Variants in CSMD1 observed in about 807,000 individuals in gnomAD.
The protein encoded by CSMD1 is CUB and Sushi multiple domains 1, also known as CUB and sushi domain-containing protein 1.
Under a neutral mutation model 417.5 loss-of-function variants are expected in CSMD1, and 213 were observed. The ratio of observed to expected loss-of-function variants is 0.51; its 90% CI spans 0.46 to 0.57. The LOEUF is 0.57. Among genes scored for constraint, CSMD1 ranks in the 20% least tolerant of loss-of-function variants. The probability of loss-of-function intolerance (pLI) is 0.00; values close to 1 mark genes in which losing one functional copy is unlikely to be tolerated. For missense variants in CSMD1, 6,923 were observed against 4,529.7 expected (o/e 1.53, Z -15.17); for synonymous variants, 2,862 against 1,736.8 (o/e 1.65, Z -16.11).
chr8:3,288,908 G>A (rs901235916), intron 25 of CSMD1, among the ~76,000 whole-genome samples: 2 of 146,714 alleles, frequency 1.4e-5, no homozygotes, highest in African/African-American at 2.7e-5. Context: ...CATGTGCCAT[G>A]CTGGTGTGCT....
At chr8:3,261,119 G>A (rs1016487389) in intron 26 of CSMD1, among the ~76,000 whole-genome samples, 11 of 152,268 alleles carry the variant, frequency 7.2e-5, no homozygotes, top group Non-Finnish European at 1.3e-4. Context: ...AGATATCACT[G>A]CATCCTTATA....
At chr8:3,473,489 C>G (rs1585216448) in intron 11 of CSMD1, among the ~76,000 whole-genome samples, 1 of 152,036 alleles carries the variant, frequency 6.6e-6, no homozygotes, top group African/African-American at 2.4e-5. Flanking sequence ...TTTTGTTCCT[C>G]TTTCTGGTTT....
intron 1 of CSMD1, among the ~76,000 whole-genome samples, chr8:4,804,941 C>G (rs146846723): frequency 2.6e-5 from 4 of 152,104 alleles, no homozygotes; most frequent in African/African-American, 9.6e-5. Context: ...GTTTACTTAA[C>G]AAAAAGGGAT....
chr8:4,586,629 A>C (rs1799713840), intron 2 of CSMD1, among the ~76,000 whole-genome samples: 1 of 152,172 alleles, frequency 6.6e-6, no homozygotes, highest in Non-Finnish European at 1.5e-5. Flanking sequence ...CCTCTCAGTA[A>C]TTTATATCAT....
At chr8:4,744,594 G>T (rs547799149) in intron 1 of CSMD1, among the ~76,000 whole-genome samples, 1 of 152,084 alleles carries the variant, frequency 6.6e-6, no homozygotes, top group Non-Finnish European at 1.5e-5. Context: ...TCTTTGGTTC[G>T]TGGTAGCAAA....
At chr8:4,785,893 A>T (rs1317420775) in intron 1 of CSMD1, among the ~76,000 whole-genome samples, 2 of 152,148 alleles carry the variant, frequency 1.3e-5, no homozygotes, top group African/African-American at 4.8e-5. Context: ...ATTTTAACCC[A>T]AACAGTGACA....
intron 9 of CSMD1, among the ~76,000 whole-genome samples, chr8:3,579,453 A>T (rs1014973181): frequency 6.6e-6 from 1 of 152,206 alleles, no homozygotes; most frequent in African/African-American, 2.4e-5. Flanking sequence ...TAATTGATTA[A>T]ATTTAAATTA....
At chr8:3,991,152 A>G (rs1227219827) in intron 5 of CSMD1, among the ~76,000 whole-genome samples, 4 of 152,218 alleles carry the variant, frequency 2.6e-5, no homozygotes, top group East Asian at 1.9e-4. Context: ...CACAGTAGAC[A>G]TTGTGGAGAG....
chr8:3,669,339 C>A (rs1447314634), intron 7 of CSMD1, among the ~76,000 whole-genome samples: 3 of 152,112 alleles, frequency 2.0e-5, no homozygotes, highest in East Asian at 1.9e-4. Context: ...TTCTCAGGCC[C>A]ATGCTTCAGA....
At chr8:4,841,777 G>A (rs1028940374) in intron 1 of CSMD1, among the ~76,000 whole-genome samples, 1 of 151,814 alleles carries the variant, frequency 6.6e-6, no homozygotes, top group African/African-American at 2.4e-5. Flanking sequence ...TGGGCGTGGT[G>A]GCACATGCCT....
intron 10 of CSMD1, among the ~76,000 whole-genome samples, chr8:3,502,961 G>A (rs1444010220): frequency 1.3e-5 from 2 of 152,136 alleles, no homozygotes; most frequent in Admixed American, 6.5e-5. Flanking sequence ...TGGTGAGGAT[G>A]CTTACAGTGG....
intron 7 of CSMD1, among the ~76,000 whole-genome samples, chr8:3,628,816 G>A (rs79893707): frequency 0.026 from 3,971 of 152,202 alleles, 83 homozygotes; most frequent in Middle Eastern, 0.078. Flanking sequence ...TCCGAGCCAA[G>A]AACTCTCATC....
chr8:3,682,157 A>C (rs933268179), intron 7 of CSMD1, among the ~76,000 whole-genome samples: 2 of 152,212 alleles, frequency 1.3e-5, no homozygotes, highest in Admixed American at 6.5e-5. Context: ...TAAAACACCA[A>C]AAGCAATGGC....
intron 5 of CSMD1, among the ~76,000 whole-genome samples, chr8:3,865,323 A>G (rs889981116): frequency 3.1e-4 from 47 of 152,118 alleles, no homozygotes; most frequent in African/African-American, 1.1e-3. Flanking sequence ...CTCAATTTTT[A>G]ATCTGTAAAC....
At chr8:3,519,443 C>T (rs1008471443) in intron 10 of CSMD1, among the ~76,000 whole-genome samples, 1 of 152,150 alleles carries the variant, frequency 6.6e-6, no homozygotes, top group Non-Finnish European at 1.5e-5. Context: ...GATGAAGTTT[C>T]TTGATCATCT....
At chr8:4,722,784 T>C (rs1282803595) in intron 1 of CSMD1, among the ~76,000 whole-genome samples, 3 of 152,200 alleles carry the variant, frequency 2.0e-5, no homozygotes, top group Non-Finnish European at 4.4e-5. Flanking sequence ...ACTACTTGAA[T>C]ATTTCAGGAA....
At chr8:4,907,376 C>G (rs1356947985) in intron 1 of CSMD1, among the ~76,000 whole-genome samples, 1 of 152,130 alleles carries the variant, frequency 6.6e-6, no homozygotes, top group African/African-American at 2.4e-5. Context: ...ATGAGAAGGT[C>G]CCTTGTTAAA....
intron 6 of CSMD1, among the ~76,000 whole-genome samples, chr8:3,750,494 C>A (rs745969784): frequency 6.6e-6 from 1 of 151,920 alleles, no homozygotes; most frequent in Admixed American, 6.6e-5. Flanking sequence ...AAATATCAAT[C>A]GACTATGCTT....
chr8:3,538,368 C>G (rs954141849), intron 10 of CSMD1, among the ~76,000 whole-genome samples: 5 of 152,142 alleles, frequency 3.3e-5, no homozygotes, highest in African/African-American at 1.2e-4. Flanking sequence ...GATGATGCAC[C>G]TGGGATTCCA....
Sources: gnomAD v4.1 joint callset for allele counts (sites outside exome capture counted in the v4.1 genomes callset) on GRCh38, gnomAD v4.1.1 for gene constraint, MANE v1.5 for transcripts, NCBI Gene and HGNC (gene_info 2026-07-23, HGNC 2026-07-21) for gene names.